Variants in GALNT13 observed in about 807,000 individuals in gnomAD.
GALNT13 encodes the protein UDP-GalNAc:polypeptide N-acetylgalactosaminyltransferase 13.
A neutral mutation model predicts 64.2 loss-of-function variants in GALNT13; 28 were observed. That is an observed-to-expected ratio of 0.44 (90% CI 0.32 to 0.60). The LOEUF (loss-of-function observed/expected upper bound fraction) is 0.60. GALNT13 is among the 20% of genes least tolerant of loss of function. GALNT13 has a pLI of 0.05. For synonymous variants in GALNT13, 214 were observed against 224.6 expected (o/e 0.95, Z 0.42); for missense variants, 577 against 669.8 (o/e 0.86, Z 1.53).
the GALNT13 span, among the ~76,000 whole-genome samples, chr2:153,226,012 C>A: frequency 2.0e-5 from 3 of 151,884 alleles, no homozygotes; most frequent in Non-Finnish European, 4.4e-5. Context: ...CGGCTCACTG[C>A]AACCTCCACC....
intron 9 of GALNT13, among the ~76,000 whole-genome samples, chr2:154,334,071 A>G (rs558741087): frequency 2.3e-5 from 3 of 131,032 alleles, no homozygotes; most frequent in South Asian, 2.5e-4. Flanking sequence ...TACCTCATGG[A>G]TGACTTTTTT....
intron 8 of GALNT13, among the ~76,000 whole-genome samples, chr2:154,295,046 T>C (rs1574036310): frequency 6.6e-6 from 1 of 152,124 alleles, no homozygotes; most frequent in Non-Finnish European, 1.5e-5. Context: ...ACCCACAACC[T>C]ATGGGAGGAC....
chr2:153,562,131 G>A, the GALNT13 span, among the ~76,000 whole-genome samples: 1 of 149,902 alleles, frequency 6.7e-6, no homozygotes, highest in East Asian at 2.0e-4. Context: ...GTGCGTCTGT[G>A]GGGAGGCATA....
At chr2:153,104,111 G>A in the GALNT13 span, among the ~76,000 whole-genome samples, 1 of 152,066 alleles carries the variant, frequency 6.6e-6, no homozygotes, top group Non-Finnish European at 1.5e-5. Context: ...CTGAATTAAA[G>A]CACTATTAAT....
chr2:153,883,006 A>C (rs1229206733), intron 1 of GALNT13, among the ~76,000 whole-genome samples: 1 of 143,620 alleles, frequency 7.0e-6, no homozygotes, highest in African/African-American at 2.6e-5. Context: ...AAACACACAG[A>C]GGACCATAAA....
chr2:153,403,259 C>T, the GALNT13 span, among the ~76,000 whole-genome samples: 2 of 151,076 alleles, frequency 1.3e-5, no homozygotes, highest in South Asian at 4.1e-4. Flanking sequence ...GGGTCAGGGA[C>T]CCACTTGAGG....
chr2:153,535,185 G>C, the GALNT13 span, among the ~76,000 whole-genome samples: 1 of 152,066 alleles, frequency 6.6e-6, no homozygotes, highest in Non-Finnish European at 1.5e-5. Flanking sequence ...TTGCCGTATA[G>C]AATGATTGGT....
At chr2:154,252,345 T>A (rs1690111786) in intron 7 of GALNT13, among the ~76,000 whole-genome samples, 1 of 148,646 alleles carries the variant, frequency 6.7e-6, no homozygotes, top group Non-Finnish European at 1.5e-5. Context: ...TAATTTATTT[T>A]ATTTTATTAT....
the GALNT13 span, among the ~76,000 whole-genome samples, chr2:153,519,799 T>C: frequency 4.8e-3 from 734 of 152,314 alleles, 4 homozygotes; most frequent in South Asian, 0.011. Flanking sequence ...CAAGGCACCA[T>C]TGGAATCCAT....
chr2:154,066,869 A>G (rs1671182105), intron 3 of GALNT13, among the ~76,000 whole-genome samples: 1 of 152,152 alleles, frequency 6.6e-6, no homozygotes, highest in Non-Finnish European at 1.5e-5. Context: ...TATATCAACA[A>G]TGTATATCTT....
the GALNT13 span, among the ~76,000 whole-genome samples, chr2:153,244,839 G>T: frequency 3.2e-4 from 48 of 152,256 alleles, no homozygotes; most frequent in African/African-American, 8.9e-4. Context: ...TCATTCAGTG[G>T]GTCCTGCTCC....
the GALNT13 span, among the ~76,000 whole-genome samples, chr2:153,412,632 T>C: frequency 2.0e-5 from 3 of 152,208 alleles, no homozygotes; most frequent in Non-Finnish European, 2.9e-5. Flanking sequence ...CCTCTACACA[T>C]TGGCTTTCTT....
chr2:153,914,718 A>AC (rs939180174), intron 2 of GALNT13, among the ~76,000 whole-genome samples: 1 of 151,444 alleles, frequency 6.6e-6, no homozygotes, highest in Non-Finnish European at 1.5e-5. Flanking sequence ...ATATTATTCC[A>AC]CCCCCCAACC....
the GALNT13 span, among the ~76,000 whole-genome samples, chr2:153,769,205 TAA>T: frequency 6.2e-4 from 94 of 152,318 alleles, no homozygotes; most frequent in Non-Finnish European, 1.2e-3. Context: ...TTTTTGTACT[TAA>T]GTGTTATTTT....
At chr2:154,318,877 G>A (rs569243784) in intron 9 of GALNT13, among the ~76,000 whole-genome samples, 27 of 151,980 alleles carry the variant, frequency 1.8e-4, no homozygotes, top group African/African-American at 3.9e-4. Context: ...ATACACACGC[G>A]CGCGCACACA....
chr2:153,659,010 C>T, the GALNT13 span, among the ~76,000 whole-genome samples: 1 of 152,030 alleles, frequency 6.6e-6, no homozygotes, highest in Non-Finnish European at 1.5e-5. Context: ...AATTTATTAA[C>T]ATACACTATT....
intron 3 of GALNT13, among the ~76,000 whole-genome samples, chr2:153,964,313 G>T (rs1558878168): frequency 6.6e-6 from 1 of 152,156 alleles, no homozygotes; most frequent in Non-Finnish European, 1.5e-5. Flanking sequence ...GCTAGCCATG[G>T]TGGTGCGTGC....
At chr2:153,471,248 T>C in the GALNT13 span, among the ~76,000 whole-genome samples, 1 of 152,206 alleles carries the variant, frequency 6.6e-6, no homozygotes, top group African/African-American at 2.4e-5. Context: ...AATTCCATGA[T>C]TCTTTGCACC....
the GALNT13 span, among the ~76,000 whole-genome samples, chr2:153,392,543 C>T: frequency 2.0e-5 from 3 of 152,070 alleles, no homozygotes; most frequent in East Asian, 1.9e-4. Context: ...GATAGATCTA[C>T]GAAGGTAAGC....
Sources: gnomAD v4.1 joint callset for allele counts (sites outside exome capture counted in the v4.1 genomes callset) on GRCh38, gnomAD v4.1.1 for gene constraint, MANE v1.5 for transcripts, NCBI Gene and HGNC (gene_info 2026-07-23, HGNC 2026-07-21) for gene names.